The following TMEM38B variants were observed in gnomAD, a reference collection of about 807,000 sequenced individuals.
TMEM38B encodes transmembrane protein 38B, also known as trimeric intracellular cation channel type B.
TMEM38B carries 24 observed loss-of-function variants against 28.7 expected under a neutral mutation model. That is an observed-to-expected ratio of 0.84 (90% CI 0.61 to 1.18). TMEM38B has a LOEUF of 1.18. TMEM38B is among the 50% of genes most tolerant of loss of function. The pLI is 0.00. For synonymous variants in TMEM38B, 131 were observed against 127.7 expected (o/e 1.03, Z -0.17); for missense variants, 380 against 350.9 (o/e 1.08, Z -0.66).
In TMEM38B at chr9:105,773,937, T is replaced by C. The variant is rs1460771870; in HGVS notation, c.733T>C (p.Phe245Leu). ...TGAGGATACATTGAGTTGGATGCTA[T>C]TTGGCTGGCAGCAGCCGTTTTCATC... Reference protein sequence around the residue: ...PFEDTLSWMLFGWQQPFSSCE... With the variant: ...PFEDTLSWMLLGWQQPFSSCE... Residue 245 changes from phenylalanine to leucine, a missense_variant, in exon 6 of 6, where the codon TTT becomes CTT. Physicochemically the swap from Phe to Leu is conservative, Grantham distance 22. Transcript: ENST00000374692. 1 of 1,613,828 alleles carries C rather than the reference T, an allele frequency of 6.2e-7. No individual in the cohort carries two copies. Among genetic ancestry groups the C allele is most frequent in the East Asian group, 2.2e-5 (1 of 44,882 alleles).
chr9:105,760,235 T>A lies in TMEM38B; in HGVS notation c.660+12045T>A. The A allele has an allele frequency of 5.9e-6, 5 of 847,586 alleles. No homozygotes were observed. In the South Asian group the frequency reaches 6.6e-5, roughly 11 times the overall value. 52.5% of individuals were successfully genotyped at this position (847,586 alleles called of 1,614,324 possible). A position where few individuals can be genotyped will look rare whatever the true frequency, so the allele number is the denominator to read the frequency against. ...GATATGTCCAAACTTCATGATGCAA[T>A]GGGCATGAAATCACCGATGATACAT... On this transcript the variant is annotated intron_variant, in intron 5 of 5. Coordinates refer to ENST00000374692, the MANE Select transcript of TMEM38B (RefSeq NM_018112.3).
chr9:105,759,446 A>G, intron 5 of TMEM38B: 6 of 1,562,768 alleles, frequency 3.8e-6, no homozygotes, highest in Non-Finnish European at 5.2e-6. Context: ...AGATGTGCTA[A>G]GAAAATGCAG....
intron 1 of TMEM38B, 125 bp from the exon 2 acceptor site, chr9:105,705,472 C>A: frequency 4.3e-6 from 4 of 922,744 alleles, no homozygotes; most frequent in East Asian, 2.6e-5. Context: ...ACTGGCACAC[C>A]TATGAATAAT....
chr9:105,744,001 G>T (rs1022556900), intron 4 of TMEM38B, among the ~76,000 whole-genome samples: 3 of 152,168 alleles, frequency 2.0e-5, no homozygotes, highest in South Asian at 2.1e-4. Flanking sequence ...TTTATGATGT[G>T]AAGAAAGGTA....
At chr9:105,706,327 A>G (rs904389039) in intron 2 of TMEM38B, among the ~76,000 whole-genome samples, 1 of 152,136 alleles carries the variant, frequency 6.6e-6, no homozygotes, top group African/African-American at 2.4e-5. Context: ...TAGTCTTGCT[A>G]TGTGCAAGAC....
intron 4 of TMEM38B, among the ~76,000 whole-genome samples, chr9:105,738,387 A>T (rs559315795): frequency 9.9e-5 from 15 of 151,946 alleles, no homozygotes. Flanking sequence ...CCTTCTCTAC[A>T]TGGCCATACT....
intron 1 of TMEM38B, 148 bp downstream of exon 1, chr9:105,694,920 G>T: frequency 1.5e-6 from 1 of 686,906 alleles, no homozygotes; most frequent in East Asian, 2.8e-5. Flanking sequence ...GGCGCCAAGG[G>T]CCGGTTGGTC....
chr9:105,745,081 A>C (rs1187775819), intron 4 of TMEM38B, among the ~76,000 whole-genome samples: 1 of 152,358 alleles, frequency 6.6e-6, no homozygotes, highest in South Asian at 2.1e-4. Flanking sequence ...AGCATGATTT[A>C]TAATCCTTTG....
intron 5 of TMEM38B, among the ~76,000 whole-genome samples, chr9:105,757,691 C>T (rs980949120): frequency 5.9e-5 from 9 of 152,018 alleles, no homozygotes; most frequent in Non-Finnish European, 8.8e-5. Context: ...GCATAAGGAA[C>T]GGTAAAGAAT....
Position 105,721,734 on chromosome 9 carries a change from A to G in TMEM38B, c.454+13A>G. ...GGATGGGCCCGAGGTAATATTGACA[A>G]TATGTGTTCATAAATATTCTGTTGT... On this transcript the variant is annotated intron_variant, in intron 3 of 5. Coordinates refer to ENST00000374692, the MANE Select transcript of TMEM38B (RefSeq NM_018112.3). 6.3e-7 allele frequency: 1 copy of G among 1,584,520 alleles called. No homozygotes were observed. Among genetic ancestry groups the G allele is most frequent in the Non-Finnish European group, 8.6e-7 (1 of 1,160,882 alleles).
At chr9:105,730,986 A>G (rs181217698) in intron 4 of TMEM38B, among the ~76,000 whole-genome samples, 28 of 151,876 alleles carry the variant, frequency 1.8e-4, no homozygotes, top group Middle Eastern at 3.4e-3. Flanking sequence ...CTAGCCATCT[A>G]TCTATTTTGT....
At chr9:105,746,971 G>C (rs1173386429) in intron 4 of TMEM38B, among the ~76,000 whole-genome samples, 1 of 152,068 alleles carries the variant, frequency 6.6e-6, no homozygotes, top group Admixed American at 6.6e-5. Flanking sequence ...TGCTGGATTC[G>C]GTTTGCCAGT....
chr9:105,712,257 C>T (rs12345407), intron 2 of TMEM38B, among the ~76,000 whole-genome samples: 11,963 of 152,176 alleles, frequency 0.079, 1,440 homozygotes, highest in African/African-American at 0.25. Flanking sequence ...ATACCAGTAT[C>T]CTGACTTTTA....
intron 1 of TMEM38B, among the ~76,000 whole-genome samples, chr9:105,698,889 A>G (rs1253745748): frequency 2.0e-5 from 3 of 152,018 alleles, no homozygotes; most frequent in Non-Finnish European, 2.9e-5. Context: ...TCCAATCCAG[A>G]CCTAAGTCAT....
At chr9:105,765,223 G>A (rs926335737) in intron 5 of TMEM38B, among the ~76,000 whole-genome samples, 4 of 152,102 alleles carry the variant, frequency 2.6e-5, no homozygotes, top group African/African-American at 7.2e-5. Context: ...ATTATTTGGG[G>A]TTTAGTTACA....
At chr9:105,715,113 A>G (rs549387830) in intron 2 of TMEM38B, among the ~76,000 whole-genome samples, 339 of 152,276 alleles carry the variant, frequency 2.2e-3, no homozygotes, top group South Asian at 6.0e-3. Context: ...TTTCTGTATT[A>G]TGCACACAGT....
At chr9:105,769,267 C>T (rs1826470349) in intron 5 of TMEM38B, among the ~76,000 whole-genome samples, 2 of 152,278 alleles carry the variant, frequency 1.3e-5, no homozygotes, top group South Asian at 2.1e-4. Flanking sequence ...TAAAATAACA[C>T]TGAGATACCA....
chr9:105,775,171 A>G lies in TMEM38B; in HGVS notation c.*1091A>G, dbSNP rs919588414. 1.3e-5 allele frequency: 2 copies of G among 152,110 alleles called. No individual in the cohort carries two copies. Among genetic ancestry groups the G allele is most frequent in the Non-Finnish European group, 2.9e-5 (2 of 67,984 alleles). 9.4% of individuals were successfully genotyped at this position (152,110 alleles called of 1,614,324 possible). A position where few individuals can be genotyped will look rare whatever the true frequency, so the allele number is the denominator to read the frequency against. On this transcript the variant is annotated 3_prime_UTR_variant, in exon 6 of 6. Coordinates refer to ENST00000374692, the MANE Select transcript of TMEM38B (RefSeq NM_018112.3). ...TGAAAACTAATCACCTTCATGTGGA[A>G]ATGCTCTGAGAATTGTCCTTAGGCA...
intron 5 of TMEM38B, among the ~76,000 whole-genome samples, chr9:105,767,285 A>T (rs1278357847): frequency 6.6e-6 from 1 of 152,082 alleles, no homozygotes; most frequent in East Asian, 1.9e-4. Flanking sequence ...TCTAGACTAT[A>T]TTCTGTTCTA....
Sources: gnomAD v4.1 joint callset for allele counts (sites outside exome capture counted in the v4.1 genomes callset) on GRCh38, gnomAD v4.1.1 for gene constraint, MANE v1.5 for transcripts, NCBI Gene and HGNC (gene_info 2026-07-23, HGNC 2026-07-21) for gene names.